CACNA1E: variants seen among roughly 807,000 people sequenced by gnomAD.
The protein encoded by CACNA1E is calcium voltage-gated channel subunit alpha1 E.
CACNA1E carries 40 observed loss-of-function variants against 259.2 expected under a neutral mutation model. That is an observed-to-expected ratio of 0.15 (90% CI 0.12 to 0.20). The LOEUF (loss-of-function observed/expected upper bound fraction) is 0.20, where lower values mean the gene tolerates loss of function less well. Among genes scored for constraint, CACNA1E ranks in the 10% least tolerant of loss-of-function variants. CACNA1E has a pLI of 1.00. For synonymous variants in CACNA1E, 1,104 were observed against 1,138.5 expected (o/e 0.97, Z 0.61); for missense variants, 1,874 against 3,040.1 (o/e 0.62, Z 9.02).
intron 7 of CACNA1E, among the ~76,000 whole-genome samples, chr1:181,655,210 G>A (rs1029304678): frequency 6.6e-6 from 1 of 151,962 alleles, no homozygotes; most frequent in Non-Finnish European, 1.5e-5. Context: ...ATATAAGGTA[G>A]GTATGGAGGT....
intron 3 of CACNA1E, among the ~76,000 whole-genome samples, chr1:181,558,799 C>T (rs562069501): frequency 1.8e-4 from 27 of 152,104 alleles, no homozygotes; most frequent in African/African-American, 3.4e-4. Flanking sequence ...GAGAAGAATA[C>T]GGGAGGAAAG....
Position 181,485,686 on chromosome 1 carries a change from GT to G in CACNA1E, c.266+1677del, listed in dbSNP as rs1663746021. On this transcript the variant is annotated intron_variant, in intron 1 of 47. Coordinates refer to ENST00000367573, the MANE Select transcript of CACNA1E (RefSeq NM_001205293.3). This position sits in a 1 kb window ranked among gnomAD's most constrained non-coding sequence, Gnocchi z 4.2. Reference sequence around the variant, plus strand: ...AAGCGGACAGATCTCATTGTGTTGTGTGCTGCGGCTGCAAATATTCCTCTAG... The same window carrying G: ...AAGCGGACAGATCTCATTGTGTTGTGGCTGCGGCTGCAAATATTCCTCTAG... Among the ~76,000 whole-genome samples the G allele has an allele frequency of 6.6e-6, 1 of 152,206 alleles. No homozygotes were observed. Among genetic ancestry groups the G allele is most frequent in the Non-Finnish European group, 1.5e-5 (1 of 68,034 alleles).
At chr1:181,771,640 A>G in intron 36 of CACNA1E, 1 of 493,016 alleles carries the variant, frequency 2.0e-6, no homozygotes, top group Non-Finnish European at 3.6e-6. Flanking sequence ...GGTCTGCTAA[A>G]TACTTGGGTG....
intron 3 of CACNA1E, among the ~76,000 whole-genome samples, chr1:181,515,277 G>T (rs1375391038): frequency 6.6e-6 from 1 of 152,214 alleles, no homozygotes; most frequent in Non-Finnish European, 1.5e-5. Flanking sequence ...ACTTCTCTCT[G>T]TGGGCTTGGG....
intron 6 of CACNA1E, among the ~76,000 whole-genome samples, chr1:181,606,710 G>A (rs1369109400): frequency 6.6e-6 from 1 of 152,186 alleles, no homozygotes; most frequent in Non-Finnish European, 1.5e-5. Context: ...AGTGGCCTCT[G>A]CCAGCCTTTC....
chr1:181,516,826 T>C (rs949289409), intron 3 of CACNA1E, among the ~76,000 whole-genome samples: 4 of 152,204 alleles, frequency 2.6e-5, no homozygotes, highest in African/African-American at 7.2e-5. Flanking sequence ...CCAAATCAGC[T>C]CAAAATATGC....
At chr1:181,489,098 C>T (rs1383805748) in intron 1 of CACNA1E, among the ~76,000 whole-genome samples, 1 of 152,214 alleles carries the variant, frequency 6.6e-6, no homozygotes, top group East Asian at 1.9e-4. Context: ...TGGAAAGCTA[C>T]AGCTCACCAA....
intron 2 of CACNA1E, among the ~76,000 whole-genome samples, chr1:181,418,027 C>G (rs1185507795): frequency 6.6e-6 from 1 of 152,146 alleles, no homozygotes; most frequent in East Asian, 1.9e-4. Context: ...CCCAGGCAAA[C>G]AAACAGCTGT....
At chr1:181,606,823 AG>A (rs1654283420) in intron 6 of CACNA1E, among the ~76,000 whole-genome samples, 2 of 152,154 alleles carry the variant, frequency 1.3e-5, no homozygotes, top group African/African-American at 4.8e-5. Context: ...TGCATGCATG[AG>A]GGTTTCTTCC....
chr1:181,539,472 A>G (rs1207700221), intron 3 of CACNA1E, among the ~76,000 whole-genome samples: 1 of 152,350 alleles, frequency 6.6e-6, no homozygotes, highest in East Asian at 1.9e-4. Flanking sequence ...GATACCTTTA[A>G]GGCCAAATGA....
intron 6 of CACNA1E, among the ~76,000 whole-genome samples, chr1:181,632,597 T>A (rs979450964): frequency 6.6e-6 from 1 of 152,214 alleles, no homozygotes; most frequent in African/African-American, 2.4e-5. Context: ...ACCCACTTCC[T>A]GATGTGATTT....
chr1:181,487,012 G>T (rs1663879833), intron 1 of CACNA1E, among the ~76,000 whole-genome samples: 1 of 147,224 alleles, frequency 6.8e-6, no homozygotes, highest in Non-Finnish European at 1.5e-5. Flanking sequence ...TTTGCTCTTT[G>T]TAAGTGCCAG....
At chr1:181,760,493 G>T (rs957572616) in intron 32 of CACNA1E, among the ~76,000 whole-genome samples, 1 of 152,108 alleles carries the variant, frequency 6.6e-6, no homozygotes, top group African/African-American at 2.4e-5. Context: ...CAGAAAAATT[G>T]TATAGCTTCT....
intron 2 of CACNA1E, among the ~76,000 whole-genome samples, chr1:181,422,520 G>A (rs1279014615): frequency 6.6e-6 from 1 of 152,098 alleles, no homozygotes; most frequent in African/African-American, 2.4e-5. Context: ...AACACAGGTT[G>A]GTTAACTTAC....
At chr1:181,651,588 T>C in intron 7 of CACNA1E, 147 bp downstream of exon 7, 1 of 597,526 alleles carries the variant, frequency 1.7e-6, no homozygotes, top group South Asian at 2.1e-5. Context: ...GCTTTCTAGA[T>C]GCTGGGAATG....
rs755046974 is a variant in CACNA1E, at chr1:181,795,025, C to T, written c.6189C>T (p.His2063=). 6.2e-7 allele frequency: 1 copy of T among 1,613,884 alleles called. No homozygotes were observed. The highest frequency in any genetic ancestry group is 1.3e-5 in the African/African-American group (1 of 75,062). ...ACTCCTCCTTGCGGCTGTCAGCCCA[C>T]CGCCTGAACTCTGATTCAGGTGAGG... ...SYHSSLRLSA[H]RLNSDSGHKS... is the part of the protein sequence containing the mutation. The change falls in exon 46 of 48, where the codon CAC becomes CAT. Residue 2063 remains histidine (H), a synonymous_variant. Transcript: ENST00000367573.
At chr1:181,703,123 C>T (rs1261628792) in intron 7 of CACNA1E, among the ~76,000 whole-genome samples, 1 of 152,052 alleles carries the variant, frequency 6.6e-6, no homozygotes, top group Non-Finnish European at 1.5e-5. Context: ...TCCTCATATT[C>T]TAAAACAGTA....
intron 25 of CACNA1E, among the ~76,000 whole-genome samples, chr1:181,742,099 C>G (rs1023684029): frequency 6.6e-6 from 1 of 152,180 alleles, no homozygotes; most frequent in Non-Finnish European, 1.5e-5. Flanking sequence ...CCTCCTTTGG[C>G]CTTCGTCACA....
intron 1 of CACNA1E, among the ~76,000 whole-genome samples, chr1:181,399,249 GA>G (rs796414907): frequency 0.023 from 3,182 of 139,860 alleles, 102 homozygotes; most frequent in African/African-American, 0.075. Context: ...GAGGTAGAAG[GA>G]AAAAAAAAAA....
Sources: allele counts gnomAD v4.1 joint callset (sites outside exome capture counted in the v4.1 genomes callset), GRCh38; gene constraint gnomAD v4.1.1; non-coding constraint Gnocchi (gnomAD v3.1); transcripts MANE v1.5; gene names NCBI Gene and HGNC (gene_info 2026-07-23, HGNC 2026-07-21).